ZFC3H1: variants seen among roughly 807,000 people sequenced by gnomAD.
ZFC3H1 encodes zinc finger C3H1-type containing, also known as zinc finger C3H1 domain-containing protein.
ZFC3H1 carries 71 observed loss-of-function variants against 243.7 expected under a neutral mutation model. The ratio of observed to expected loss-of-function variants is 0.29; its 90% CI spans 0.24 to 0.36. ZFC3H1 has a LOEUF of 0.36. Among genes scored for constraint, ZFC3H1 ranks in the 10% least tolerant of loss-of-function variants. The pLI is 1.00. For missense variants in ZFC3H1, 1,966 were observed against 2,317.1 expected (o/e 0.85, Z 3.11); for synonymous variants, 838 against 813.0 (o/e 1.03, Z -0.52).
chr12:71,619,521 G>A, intron 26 of ZFC3H1, 112 bp from the exon 27 acceptor site: 1 of 964,446 alleles, frequency 1.0e-6, no homozygotes, highest in Admixed American at 2.6e-5. Context: ...AGTTTCTTGA[G>A]TGGGTAAGGG....
At chr12:71,659,873 A>G (rs975807047) in intron 1 of ZFC3H1, among the ~76,000 whole-genome samples, 13 of 152,342 alleles carry the variant, frequency 8.5e-5, no homozygotes, top group Non-Finnish European at 1.9e-4. Flanking sequence ...GAGAGACACT[A>G]GCCTAATTAT....
At chr12:71,634,655 T>G (rs778615144) in intron 11 of ZFC3H1, 49 bp downstream of exon 11, 1 of 1,544,644 alleles carries the variant, frequency 6.5e-7, no homozygotes, top group African/African-American at 1.4e-5. Context: ...AAGAGAAGTT[T>G]TGAAAACATC....
chr12:71,636,467 T>C (rs752414857), intron 9 of ZFC3H1, 23 bp downstream of exon 9: 2 of 1,587,714 alleles, frequency 1.3e-6, no homozygotes, highest in Non-Finnish European at 1.7e-6. Context: ...TGAATAAAAG[T>C]AGCATTAAAT....
Position 71,656,900 on chromosome 12 carries a change from T to C in ZFC3H1, c.1000A>G (p.Thr334Ala), listed in dbSNP as rs1426582932. ...ATTCCATTACCTTGACTAGAATCAG[T>C]AGTGTCGGATTTCAGGGAAAGTGGT... The part of the protein sequence containing the change: ...AKPLSLKSDT[T>A]DSSQGLQDKE... The change falls in exon 2 of 35, where the codon ACT becomes GCT. Residue 334 changes from threonine (T) to alanine (A), a missense_variant. By Grantham distance (58) the Thr-to-Ala change is moderately conservative (BLOSUM62 0). This residue lies in a region of ZFC3H1 where 484 missense variants were observed against 449.7 expected (regional missense o/e 1.08). Coordinates refer to ENST00000378743, the MANE Select transcript of ZFC3H1 (RefSeq NM_144982.5). 1 of 1,612,168 alleles carries C rather than the reference T, an allele frequency of 6.2e-7. No individual in the cohort carries two copies. The highest frequency in any genetic ancestry group is 8.5e-7 in the Non-Finnish European group (1 of 1,179,212).
At position 71,619,978 on chromosome 12, in the gene ZFC3H1, T is replaced by A. The variant is rs376681655; in HGVS notation, c.4997A>T (p.Asn1666Ile). 2.3e-5 allele frequency: 37 copies of A among 1,605,154 alleles called. No individual in the cohort carries two copies. In the African/African-American group the frequency reaches 3.6e-4, roughly 16 times the overall value. Residue 1666 changes from asparagine (N) to isoleucine (I), a missense_variant, in exon 26 of 35, where the codon AAT (asparagine) becomes ATT (isoleucine). Coordinates refer to ENST00000378743, the MANE Select transcript of ZFC3H1 (RefSeq NM_144982.5). ...ATAAAAAACCTCTGCATTCTGAGGA[T>A]TTTTTTCAAATGCAGTAAGCCACAC... ...RAVWLTAFEK[N>I]PQNAEVFYHM... is the part of the protein sequence containing the mutation.
At chr12:71,639,465 T>C (rs950195389) in intron 6 of ZFC3H1, 3 of 183,202 alleles carry the variant, frequency 1.6e-5, no homozygotes, top group Admixed American at 8.3e-5. Flanking sequence ...AACATTTGAA[T>C]GTTTAATAGT....
chr12:71,632,721 A>G lies in ZFC3H1; in HGVS notation c.2817+165T>C, dbSNP rs1297999850. ...ACAAAAACAAAGTCAAGACAAAATA[A>G]TAAAGTAGACATCCAAAAATGTGGA... is the stretch of plus-strand genomic sequence containing the variant. On this transcript the variant is annotated intron_variant, in intron 14 of 34. Transcript: ENST00000378743. Among the ~76,000 whole-genome samples the G allele has an allele frequency of 3.9e-5, 6 of 152,234 alleles. No individual in the cohort carries two copies. In the South Asian group the frequency reaches 1.2e-3, roughly 32 times the overall value.
At chr12:71,652,654 T>G (rs1880918334) in intron 2 of ZFC3H1, among the ~76,000 whole-genome samples, 1 of 152,196 alleles carries the variant, frequency 6.6e-6, no homozygotes, top group Non-Finnish European at 1.5e-5. Flanking sequence ...CTCCAGGCTT[T>G]CACACATAAC....
chr12:71,663,837 G>C lies in ZFC3H1; in HGVS notation c.-227C>G. ...TCCTAGCGCCCCCTTGCTCCTCAGC[G>C]ATCGGGGTTCTTCCGCCTCGCGAGA... is the stretch of plus-strand genomic sequence containing the variant. On this transcript the variant is annotated 5_prime_UTR_variant, in exon 1 of 35. It adds an upstream start codon to the 5' untranslated region. Transcript: ENST00000378743. The C allele has an allele frequency of 1.7e-6, 1 of 577,794 alleles. No homozygotes were observed. Among genetic ancestry groups the C allele is most frequent in the East Asian group, 2.9e-5 (1 of 34,614 alleles). The allele number at this position is 577,794 out of a possible 1,614,324, so 35.8% of individuals were successfully genotyped here.
At position 71,610,068 on chromosome 12, in the gene ZFC3H1, G is replaced by T. The variant is rs1389810842; in HGVS notation, c.*360C>A. 1.3e-5 allele frequency: 2 copies of T among 159,000 alleles called. No homozygotes were observed. 9.8% of individuals were successfully genotyped at this position (159,000 alleles called of 1,614,324 possible). A position where few individuals can be genotyped will look rare whatever the true frequency, so the allele number is the denominator to read the frequency against. On this transcript the variant is annotated 3_prime_UTR_variant, in exon 35 of 35. Coordinates refer to ENST00000378743, the MANE Select transcript of ZFC3H1 (RefSeq NM_144982.5). ...CCAAACAGGAATCTCTCAGGCATCA[G>T]AGAGTGTCAAGTGAGTCAGGAATAA...
Position 71,657,002 on chromosome 12 carries a change from C to G in ZFC3H1, c.898G>C (p.Glu300Gln). 6.2e-7 allele frequency: 1 copy of G among 1,613,832 alleles called. No homozygotes were observed. Among genetic ancestry groups the G allele is most frequent in the Admixed American group, 1.7e-5 (1 of 60,008 alleles). ...AATTTTTGCCTGAGTGGTTTTAATTCAAATGCCTGAAAAGTTTTGACTTGT... is the reference window on the plus strand; with the variant it reads ...AATTTTTGCCTGAGTGGTTTTAATTGAAATGCCTGAAAAGTTTTGACTTGT... ...KTQVKTFQAF[E>Q]LKPLRQKLTL... Residue 300 changes from glutamate (E) to glutamine (Q), a missense_variant, in exon 2 of 35, where the codon GAA becomes CAA. Physicochemically the swap from Glu to Gln is conservative, Grantham distance 29 (BLOSUM62 2). Coordinates refer to ENST00000378743, the MANE Select transcript of ZFC3H1 (RefSeq NM_144982.5).
chr12:71,643,589 G>T (rs1397946498), intron 5 of ZFC3H1, among the ~76,000 whole-genome samples: 2 of 151,784 alleles, frequency 1.3e-5, no homozygotes, highest in Non-Finnish European at 2.9e-5. Context: ...AAGAAGGGAG[G>T]GAGAGAGAAA....
chr12:71,645,396 C>T (rs1195358482), intron 3 of ZFC3H1, among the ~76,000 whole-genome samples: 3 of 151,948 alleles, frequency 2.0e-5, no homozygotes, highest in Non-Finnish European at 2.9e-5. Flanking sequence ...CTTCCCAAAC[C>T]GGAAAGAGTA....
At chr12:71,635,711 T>C in intron 9 of ZFC3H1, 131 bp from the exon 10 acceptor site, 2 of 762,540 alleles carry the variant, frequency 2.6e-6, no homozygotes, top group African/African-American at 1.8e-5. Context: ...TATTACATAA[T>C]CCACTGAGTC....
At chr12:71,646,088 ATTCT>A (rs1215308688) in intron 3 of ZFC3H1, among the ~76,000 whole-genome samples, 2 of 152,212 alleles carry the variant, frequency 1.3e-5, no homozygotes, top group South Asian at 2.1e-4. Context: ...ATCCAATTAA[ATTCT>A]TTCTATTGTT....
Position 71,628,905 on chromosome 12 carries a change from C to T in ZFC3H1, c.3946+13G>A. On this transcript the variant is annotated intron_variant, in intron 20 of 34. Coordinates refer to ENST00000378743, the MANE Select transcript of ZFC3H1 (RefSeq NM_144982.5). ...TTTAATAATTCTGGATCTTAAATTA[C>T]ATAACTTCTTACCATACTTAATTGG... is the stretch of plus-strand genomic sequence containing the variant. The T allele has an allele frequency of 6.3e-7, 1 of 1,575,554 alleles. No individual in the cohort carries two copies. The highest frequency in any genetic ancestry group is 1.2e-5 in the South Asian group (1 of 84,106).
chr12:71,634,238 A>G lies in ZFC3H1; in HGVS notation c.2427T>C (p.Ser809=). Residue 809 remains serine (S), a synonymous_variant, in exon 12 of 35, where the codon TCT becomes TCC. Transcript: ENST00000378743. The part of the protein sequence containing the change: ...LKTSSSSPAN[S]DVEIDGIGRI... The stretch of plus-strand genomic sequence containing the variant: ...TGCCAATACCATCAATTTCCACATC[A>G]GAGTTTGCTGGGGATGATGAACTTG... 1 of 1,613,996 alleles carries G rather than the reference A, an allele frequency of 6.2e-7. No individual in the cohort carries two copies. Among genetic ancestry groups the G allele is most frequent in the South Asian group, 1.1e-5 (1 of 91,072 alleles).
rs1881264755 is a variant in ZFC3H1, at chr12:71,663,820, C to T, written c.-210G>A. ...CGCAACCCAGTTCCCTTTCCTAGCGCCCCCTTGCTCCTCAGCGATCGGGGT... is the reference window on the plus strand; with the variant it reads ...CGCAACCCAGTTCCCTTTCCTAGCGTCCCCTTGCTCCTCAGCGATCGGGGT... On this transcript the variant is annotated 5_prime_UTR_variant, in exon 1 of 35. Transcript: ENST00000378743. 6.7e-6 allele frequency: 4 copies of T among 597,554 alleles called. No homozygotes were observed. The highest frequency in any genetic ancestry group is 1.2e-5 in the Non-Finnish European group (4 of 342,202). 37.0% of individuals were successfully genotyped at this position (597,554 alleles called of 1,614,324 possible).
intron 33 of ZFC3H1, 145 bp from the exon 34 acceptor site, chr12:71,610,902 A>C: frequency 7.1e-7 from 1 of 1,406,300 alleles, no homozygotes. Flanking sequence ...AATATTTGGT[A>C]CTCTTAAAAT....
Sources: allele counts gnomAD v4.1 joint callset (sites outside exome capture counted in the v4.1 genomes callset), GRCh38; gene constraint gnomAD v4.1.1; regional missense constraint gnomAD v4.1.1; transcripts MANE v1.5; gene names NCBI Gene and HGNC (gene_info 2026-07-23, HGNC 2026-07-21).